Variants in TPST1 observed in about 807,000 individuals in gnomAD.
TPST1 encodes the protein protein-tyrosine sulfotransferase 1.
Under a neutral mutation model 34.8 loss-of-function variants are expected in TPST1, and 20 were observed. That is an observed-to-expected ratio of 0.57 (90% confidence interval 0.40 to 0.84). TPST1 has a LOEUF of 0.84. Ranked by LOEUF, TPST1 falls within the 40% of genes least tolerant of loss-of-function variation. The probability of loss-of-function intolerance (pLI) is 0.00; values close to 1 mark genes in which losing one functional copy is unlikely to be tolerated. For missense variants in TPST1, 353 were observed against 455.5 expected (o/e 0.78, Z 2.05); for synonymous variants, 152 against 159.4 (o/e 0.95, Z 0.35).
At chr7:66,301,885 G>A (rs981219369) in intron 3 of TPST1, among the ~76,000 whole-genome samples, 1 of 152,176 alleles carries the variant, frequency 6.6e-6, no homozygotes, top group South Asian at 2.1e-4. Context: ...CATGAAGGGA[G>A]TGCATGTTGT....
At chr7:66,323,785 T>C (rs1332482948) in intron 3 of TPST1, among the ~76,000 whole-genome samples, 1 of 152,226 alleles carries the variant, frequency 6.6e-6, no homozygotes, top group Non-Finnish European at 1.5e-5. Flanking sequence ...AATCAGATAC[T>C]ACTTCACACC....
At chr7:66,255,145 CAAA>C (rs35033344) in intron 2 of TPST1, among the ~76,000 whole-genome samples, 40 of 78,458 alleles carry the variant, frequency 5.1e-4, no homozygotes, top group African/African-American at 1.2e-3. Flanking sequence ...GACAACGTCT[CAAA>C]AAAAAAAAAA....
intron 3 of TPST1, among the ~76,000 whole-genome samples, chr7:66,310,803 GTATTTATTTATT>G (rs56696715): frequency 1.1e-4 from 16 of 147,156 alleles, no homozygotes; most frequent in South Asian, 6.5e-4. Context: ...AATTTGAAGA[GTATTTATTTATT>G]TATTTATTTA....
Position 66,355,245 on chromosome 7 carries a change from G to A in TPST1, c.1096-1580G>A, listed in dbSNP as rs553089111. On this transcript the variant is annotated intron_variant, in intron 4 of 5. Coordinates refer to ENST00000304842, the MANE Select transcript of TPST1 (RefSeq NM_003596.4). ...TCCCAGCACTTTGGGAGGCCAAGGC[G>A]GCTGGATCACGAGGGCAGGAGTTTT... Among the ~76,000 whole-genome samples, 8 of 151,844 alleles carry A rather than the reference G, an allele frequency of 5.3e-5. No individual in the cohort carries two copies. The East Asian group carries it at 5.8e-4, about 11-fold the overall frequency.
intron 2 of TPST1, among the ~76,000 whole-genome samples, chr7:66,244,578 G>C (rs538741447): frequency 6.6e-6 from 1 of 152,348 alleles, no homozygotes; most frequent in Non-Finnish European, 1.5e-5. Context: ...CAGAAGTAAA[G>C]TTTGAGGCTA....
intron 3 of TPST1, among the ~76,000 whole-genome samples, chr7:66,341,301 C>CA (rs1334647476): frequency 6.6e-6 from 1 of 152,028 alleles, no homozygotes; most frequent in Admixed American, 6.6e-5. Flanking sequence ...TTTTTTGAGA[C>CA]AGAGTCTCGC....
chr7:66,207,948 T>C (rs1204243173), intron 1 of TPST1, among the ~76,000 whole-genome samples: 1 of 152,058 alleles, frequency 6.6e-6, no homozygotes, highest in Non-Finnish European at 1.5e-5. Flanking sequence ...CCTCAGATCT[T>C]TTTTTTTCCT....
chr7:66,315,267 T>C (rs1359470601), intron 3 of TPST1, among the ~76,000 whole-genome samples: 2 of 151,834 alleles, frequency 1.3e-5, no homozygotes, highest in Non-Finnish European at 2.9e-5. Context: ...CCCTTAGACC[T>C]GCGGAGGCAA....
At chr7:66,343,823 C>G (rs1294587301) in intron 3 of TPST1, among the ~76,000 whole-genome samples, 8 of 152,116 alleles carry the variant, frequency 5.3e-5, no homozygotes, top group Non-Finnish European at 1.2e-4. Flanking sequence ...AATAATCAGA[C>G]TGGAAATTTT....
intron 3 of TPST1, among the ~76,000 whole-genome samples, chr7:66,328,823 CCT>C (rs1228077085): frequency 6.7e-5 from 9 of 133,832 alleles, no homozygotes; most frequent in Admixed American, 1.5e-4. Context: ...GGGATCCCAG[CCT>C]CTCTCTCTCT....
intron 2 of TPST1, among the ~76,000 whole-genome samples, chr7:66,248,329 C>A (rs1482850763): frequency 1.3e-5 from 2 of 151,984 alleles, no homozygotes; most frequent in African/African-American, 4.8e-5. Flanking sequence ...AGTGGCCCTC[C>A]TTTAGGCAGC....
At chr7:66,203,604 GC>G (rs1174191085), upstream of TPST1, among the ~76,000 whole-genome samples, 1 of 150,594 alleles carries the variant, frequency 6.6e-6, no homozygotes, top group African/African-American at 2.4e-5. Context: ...TCCTGCCTCT[GC>G]CTCCCGAGTA....
intron 2 of TPST1, among the ~76,000 whole-genome samples, chr7:66,280,017 G>A (rs948845460): frequency 6.6e-6 from 1 of 152,196 alleles, no homozygotes; most frequent in Admixed American, 6.5e-5. Context: ...CAGGTGCTCT[G>A]GACCTAAGCC....
At chr7:66,280,757 C>T (rs962853812) in intron 2 of TPST1, among the ~76,000 whole-genome samples, 4 of 152,170 alleles carry the variant, frequency 2.6e-5, no homozygotes, top group Non-Finnish European at 5.9e-5. Context: ...CCCTTTAAAG[C>T]ACTTTTGATT....
At chr7:66,221,132 TA>T (rs546112446) in intron 1 of TPST1, among the ~76,000 whole-genome samples, 394 of 140,466 alleles carry the variant, frequency 2.8e-3, no homozygotes, top group Middle Eastern at 3.8e-3. Context: ...GACTCCGTCT[TA>T]AAAAAAAAAA....
chr7:66,225,180 G>A (rs1055351813), intron 1 of TPST1, among the ~76,000 whole-genome samples: 8 of 151,380 alleles, frequency 5.3e-5, no homozygotes, highest in Non-Finnish European at 8.8e-5. Context: ...GCCTCCCAAA[G>A]TGCTGGGATT....
rs1476448625 is a variant in TPST1, at chr7:66,276,751, CA to C, written c.846-9759del. Among the ~76,000 whole-genome samples the C allele has an allele frequency of 3.3e-5, 5 of 151,984 alleles. No homozygotes were observed. In the East Asian group the frequency reaches 9.7e-4, roughly 29 times the overall value. ...TAATATGATTTATGTATCATTTTCT[CA>C]GTGTCTTTTAGCTTGTTTTAAAATA... On this transcript the variant is annotated intron_variant, in intron 2 of 5. Transcript: ENST00000304842.
chr7:66,300,945 CA>C (rs575893374), intron 3 of TPST1, among the ~76,000 whole-genome samples: 22 of 138,186 alleles, frequency 1.6e-4, no homozygotes, highest in East Asian at 4.2e-4. Flanking sequence ...GACTCCATCT[CA>C]AAAAAAAAAA....
At chr7:66,299,441 T>G (rs1791269926) in intron 3 of TPST1, among the ~76,000 whole-genome samples, 1 of 152,082 alleles carries the variant, frequency 6.6e-6, no homozygotes, top group Admixed American at 6.5e-5. Flanking sequence ...TTTTATTGGC[T>G]TCCCATGTTT....
Sources: gnomAD v4.1 joint callset for allele counts (sites outside exome capture counted in the v4.1 genomes callset) on GRCh38, gnomAD v4.1.1 for gene constraint, MANE v1.5 for transcripts, NCBI Gene and HGNC (gene_info 2026-07-23, HGNC 2026-07-21) for gene names.